Variants in SLC4A4 observed in about 807,000 individuals in gnomAD.
SLC4A4 encodes solute carrier family 4 member 4, also known as electrogenic sodium bicarbonate cotransporter 1.
In SLC4A4, 27 loss-of-function variants were observed where a neutral mutation model predicts 111.5. The observed-to-expected ratio is 0.24, with a 90% CI of 0.18 to 0.33. The LOEUF (loss-of-function observed/expected upper bound fraction) is 0.33. Among genes scored for constraint, SLC4A4 ranks in the 10% least tolerant of loss-of-function variants. The pLI, the probability that SLC4A4 is intolerant of heterozygous loss-of-function variation, is 1.00. For synonymous variants in SLC4A4, 443 were observed against 463.4 expected, an observed-to-expected ratio of 0.96 and a Z score of 0.57; for missense variants, 909 against 1,315.5, an observed-to-expected ratio of 0.69 and a Z score of 4.78.
chr4:71,351,742 G>T (rs1037755479), intron 5 of SLC4A4, among the ~76,000 whole-genome samples: 10 of 152,076 alleles, frequency 6.6e-5, no homozygotes, highest in Non-Finnish European at 8.8e-5. Flanking sequence ...TAAAGATGCT[G>T]GATGGACAGA....
intron 3 of SLC4A4, among the ~76,000 whole-genome samples, chr4:71,327,858 T>C (rs891185765): frequency 6.6e-6 from 1 of 152,014 alleles, no homozygotes; most frequent in Admixed American, 6.6e-5. Flanking sequence ...CTTTTAGTTA[T>C]ATTAAAATGT....
chr4:71,268,075 G>GTTTTTTTTTTTTT (rs10657146), intron 3 of SLC4A4, among the ~76,000 whole-genome samples: 2 of 87,586 alleles, frequency 2.3e-5, no homozygotes, highest in African/African-American at 4.5e-5. Flanking sequence ...ATAAAGTAGT[G>GTTTTTTTTTTTTT]TTTTTTTTTT....
intron 6 of SLC4A4, among the ~76,000 whole-genome samples, chr4:71,368,209 G>T (rs1279214103): frequency 6.6e-6 from 1 of 152,196 alleles, no homozygotes; most frequent in African/African-American, 2.4e-5. Context: ...TCAGGAAGAA[G>T]TTGATGGTGT....
In SLC4A4 at chr4:71,436,395, C is replaced by T. The variant is rs556035667; in HGVS notation, c.808-4221C>T. 4.6e-5 allele frequency among the ~76,000 whole-genome samples: 7 copies of T among 152,178 alleles called. No homozygotes were observed. In the South Asian group the frequency reaches 1.5e-3, roughly 32 times the overall value. On this transcript the variant is annotated intron_variant, in intron 7 of 25. Coordinates refer to ENST00000264485, the MANE Select transcript of SLC4A4 (RefSeq NM_001098484.3). ...GACACAGGGAGGGGAACATCACACA[C>T]TGGGGCCTGTCAGGGGGTCAGGGGT...
chr4:71,409,014 C>A (rs917609464), intron 7 of SLC4A4, among the ~76,000 whole-genome samples: 3 of 152,198 alleles, frequency 2.0e-5, no homozygotes, highest in Non-Finnish European at 4.4e-5. Context: ...GCTTCTTGCT[C>A]ATTTTCTTTT....
At chr4:71,164,199 G>A (rs576354257) in intron 2 of SLC4A4, among the ~76,000 whole-genome samples, 69 of 152,242 alleles carry the variant, frequency 4.5e-4, no homozygotes, top group African/African-American at 1.5e-3. Context: ...TGGCCAACAT[G>A]GTGAAACCCT....
intron 1 of SLC4A4, among the ~76,000 whole-genome samples, chr4:71,194,739 A>G (rs1166457031): frequency 2.0e-5 from 3 of 152,206 alleles, no homozygotes; most frequent in Non-Finnish European, 4.4e-5. Flanking sequence ...ACAAATTTCC[A>G]GATTTAAAAT....
chr4:71,147,515 C>G (rs376551276), intron 2 of SLC4A4, among the ~76,000 whole-genome samples: 40 of 152,182 alleles, frequency 2.6e-4, no homozygotes, highest in African/African-American at 9.6e-4. Flanking sequence ...GCACTTCTCC[C>G]CTGGATGAAC....
rs1269813708 is a variant in SLC4A4 at position 71,570,122 on chromosome 4, T to C, written c.*2371T>C. 4 of 151,816 alleles carry C rather than the reference T, an allele frequency of 2.6e-5. No individual in the cohort carries two copies. The highest frequency in any genetic ancestry group is 5.9e-5 in the Non-Finnish European group (4 of 67,844). The allele number at this position is 151,816 out of a possible 1,614,324, so 9.4% of individuals were successfully genotyped here. Reference sequence around the variant, plus strand: ...TGATCTTCTTAAGTTAAAGGTACTTTTGTTTTATAAAAGCTCTAGATAAAA... The same window carrying C: ...TGATCTTCTTAAGTTAAAGGTACTTCTGTTTTATAAAAGCTCTAGATAAAA... On this transcript the variant is annotated 3_prime_UTR_variant, in exon 26 of 26. Transcript: ENST00000264485.
intron 2 of SLC4A4, among the ~76,000 whole-genome samples, chr4:71,122,829 A>G (rs1260008539): frequency 2.0e-5 from 3 of 152,212 alleles, no homozygotes; most frequent in East Asian, 1.9e-4. Context: ...AGGACTTTCA[A>G]TCATTTTATG....
chr4:71,418,283 A>G (rs917325430), intron 7 of SLC4A4, among the ~76,000 whole-genome samples: 4 of 152,250 alleles, frequency 2.6e-5, no homozygotes, highest in African/African-American at 7.2e-5. Context: ...AGGAAAAATT[A>G]GAAAATCAAA....
intron 6 of SLC4A4, among the ~76,000 whole-genome samples, chr4:71,394,309 GA>G (rs138053541): frequency 4.7e-5 from 7 of 150,148 alleles, no homozygotes; most frequent in African/African-American, 7.3e-5. Context: ...AATTAGTAAG[GA>G]AAAAAAAATC....
intron 4 of SLC4A4, among the ~76,000 whole-genome samples, chr4:71,341,910 G>GA (rs558266376): frequency 4.5e-4 from 68 of 151,880 alleles, no homozygotes; most frequent in African/African-American, 1.6e-3. Flanking sequence ...ACAATGCCCA[G>GA]AAAAAAAGTA....
chr4:71,414,807 AT>A (rs1248552607), intron 7 of SLC4A4, among the ~76,000 whole-genome samples: 1 of 152,190 alleles, frequency 6.6e-6, no homozygotes, highest in Non-Finnish European at 1.5e-5. Context: ...AAGAAATCCT[AT>A]GTTTAGCATC....
chr4:71,275,448 T>C (rs1026266940), intron 3 of SLC4A4, among the ~76,000 whole-genome samples: 2 of 152,222 alleles, frequency 1.3e-5, no homozygotes, highest in Non-Finnish European at 2.9e-5. Context: ...TTCAAACTGG[T>C]TATCATAATT....
At chr4:71,455,023 G>A (rs1726098823) in intron 12 of SLC4A4, among the ~76,000 whole-genome samples, 1 of 152,200 alleles carries the variant, frequency 6.6e-6, no homozygotes, top group African/African-American at 2.4e-5. Context: ...CTTTCTCACA[G>A]TGGGGGGACT....
At chr4:71,524,317 T>C (rs1275570506) in intron 16 of SLC4A4, among the ~76,000 whole-genome samples, 1 of 152,166 alleles carries the variant, frequency 6.6e-6, no homozygotes, top group African/African-American at 2.4e-5. Flanking sequence ...TATACACACA[T>C]TGGGTTTCTT....
rs747852925 is a variant in SLC4A4 at position 71,357,040 on chromosome 4, C to G, written c.583C>G (p.Leu195Val). ...TGTTGACCATCAGATTGAGACAGGC[C>G]TATTGAAACCTGAACTTAAGGATAA... ...MIVDHQIETG[L>V]LKPELKDKVT... is the part of the protein sequence containing the mutation. Residue 195 changes from leucine (L) to valine (V), a missense_variant, in exon 6 of 26, where the codon CTA (leucine) becomes GTA (valine). Leu to Val is a conservative substitution (Grantham distance 32, BLOSUM62 1). Transcript: ENST00000264485. 3.1e-6 allele frequency: 5 copies of G among 1,614,004 alleles called. No homozygotes were observed. Among genetic ancestry groups the G allele is most frequent in the Non-Finnish European group, 4.2e-6 (5 of 1,179,986 alleles).
At chr4:71,538,643 T>C (rs1232805518) in intron 18 of SLC4A4, among the ~76,000 whole-genome samples, 3 of 152,064 alleles carry the variant, frequency 2.0e-5, no homozygotes, top group Non-Finnish European at 4.4e-5. Context: ...CTGAGAGAGA[T>C]AGAAGCATTG....
Sources: gnomAD v4.1 joint callset for allele counts (sites outside exome capture counted in the v4.1 genomes callset) on GRCh38, gnomAD v4.1.1 for gene constraint, MANE v1.5 for transcripts, NCBI Gene and HGNC (gene_info 2026-07-23, HGNC 2026-07-21) for gene names.